Variants in SLC22A15 observed in about 807,000 individuals in gnomAD.
SLC22A15 encodes the protein solute carrier family 22 member 15.
SLC22A15 carries 45 observed loss-of-function variants against 62.7 expected under a neutral mutation model. The observed-to-expected ratio is 0.72, with a 90% CI of 0.56 to 0.92. SLC22A15 has a LOEUF of 0.92. Among genes scored for constraint, SLC22A15 ranks in the 40% least tolerant of loss-of-function variants. The pLI is 0.00. For synonymous variants in SLC22A15, 264 were observed against 267.0 expected (o/e 0.99, Z 0.11); for missense variants, 622 against 665.6 (o/e 0.93, Z 0.72).
At chr1:116,057,672 G>T (rs572043545) in intron 8 of SLC22A15, among the ~76,000 whole-genome samples, 1 of 152,136 alleles carries the variant, frequency 6.6e-6, no homozygotes, top group Non-Finnish European at 1.5e-5. Flanking sequence ...ATCCAACAAC[G>T]ATAGAGTGGA....
At chr1:115,985,142 T>C (rs1353201221) in intron 1 of SLC22A15, among the ~76,000 whole-genome samples, 1 of 152,184 alleles carries the variant, frequency 6.6e-6, no homozygotes, top group Non-Finnish European at 1.5e-5. Flanking sequence ...CAACTTCCAG[T>C]CCCGCAGGCT....
At chr1:115,997,591 C>G (rs148363679) in intron 2 of SLC22A15, among the ~76,000 whole-genome samples, 678 of 152,056 alleles carry the variant, frequency 4.5e-3, no homozygotes, top group Non-Finnish European at 7.4e-3. Flanking sequence ...TTCTTGATTT[C>G]TCTTTCAGAT....
At chr1:115,989,959 C>G (rs1287231629) in intron 1 of SLC22A15, among the ~76,000 whole-genome samples, 1 of 152,144 alleles carries the variant, frequency 6.6e-6, no homozygotes, top group African/African-American at 2.4e-5. Flanking sequence ...AAAGGTGAAT[C>G]AGACTTAGAT....
chr1:116,053,843 C>G (rs1658125729), intron 8 of SLC22A15, among the ~76,000 whole-genome samples: 1 of 151,684 alleles, frequency 6.6e-6, no homozygotes, highest in African/African-American at 2.4e-5. Flanking sequence ...ACTTTACAGA[C>G]AAGCAAATGC....
rs572682517 is a variant in SLC22A15 at position 116,055,865 on chromosome 1, C to A, written c.1172-6897C>A. 4.6e-3 allele frequency among the ~76,000 whole-genome samples: 683 copies of A among 148,476 alleles called. 2 individuals are homozygous for A. The highest frequency in any genetic ancestry group is 0.017 in the Middle Eastern group (5 of 292). On this transcript the variant is annotated intron_variant, in intron 8 of 11. Coordinates refer to ENST00000369503, the MANE Select transcript of SLC22A15 (RefSeq NM_018420.3). Reference sequence around the variant, plus strand: ...TGACAAAATTCAACAACACTTCATGCTAAAAACTCTCAATAAATTAGGTAT... The same window carrying A: ...TGACAAAATTCAACAACACTTCATGATAAAAACTCTCAATAAATTAGGTAT...
At chr1:116,009,308 G>T (rs780343427) in intron 2 of SLC22A15, among the ~76,000 whole-genome samples, 1 of 151,718 alleles carries the variant, frequency 6.6e-6, no homozygotes, top group Non-Finnish European at 1.5e-5. Flanking sequence ...CCGTCCCACC[G>T]TTCAGAGTGT....
At position 116,038,722 on chromosome 1, in the gene SLC22A15, G is replaced by A. The variant is rs552682195; in HGVS notation, c.1171+1334G>A. Among the ~76,000 whole-genome samples, 10 of 152,256 alleles carry A rather than the reference G, an allele frequency of 6.6e-5. No homozygotes were observed. The East Asian group carries it at 7.7e-4, about 12-fold the overall frequency. ...GTAAGACTGTGATGGACTTCAAATC[G>A]TTGTAGTTTTATATTCAGCAGATTT... is the stretch of plus-strand genomic sequence containing the variant. On this transcript the variant is annotated intron_variant, in intron 8 of 11. Coordinates refer to ENST00000369503, the MANE Select transcript of SLC22A15 (RefSeq NM_018420.3).
intron 8 of SLC22A15, among the ~76,000 whole-genome samples, chr1:116,041,606 G>T (rs1235264389): frequency 6.6e-6 from 1 of 152,206 alleles, no homozygotes; most frequent in African/African-American, 2.4e-5. Flanking sequence ...GTGCAGGGAA[G>T]GGAAGCCCAA....
chr1:116,024,785 A>G (rs1390177154), intron 4 of SLC22A15, among the ~76,000 whole-genome samples: 2 of 152,156 alleles, frequency 1.3e-5, no homozygotes, highest in South Asian at 2.1e-4. Context: ...CTCCAAGTCT[A>G]GTATTTAAAG....
intron 8 of SLC22A15, among the ~76,000 whole-genome samples, chr1:116,037,842 A>G (rs1657673918): frequency 6.6e-6 from 1 of 152,310 alleles, no homozygotes. Flanking sequence ...CAACAAGAAT[A>G]ATGGGGATGG....
chr1:116,031,248 A>C (rs1657378012), intron 5 of SLC22A15, 118 bp from the exon 6 acceptor site: 1 of 719,416 alleles, frequency 1.4e-6, no homozygotes, highest in Non-Finnish European at 2.3e-6. Flanking sequence ...TCAAACTTTA[A>C]GTCTAACATG....
chr1:116,068,829 A>G lies in SLC22A15; in HGVS notation c.*1721A>G, dbSNP rs1015300801. The G allele has an allele frequency of 8.5e-5, 13 of 152,202 alleles. No homozygotes were observed. The highest frequency in any genetic ancestry group is 3.1e-4 in the African/African-American group (13 of 41,456). 9.4% of individuals were successfully genotyped at this position (152,202 alleles called of 1,614,324 possible). A position where few individuals can be genotyped will look rare whatever the true frequency, so the allele number is the denominator to read the frequency against. On this transcript the variant is annotated 3_prime_UTR_variant, in exon 12 of 12. Transcript: ENST00000369503. ...ATAGGAAGAGAGGAAGAACTTACAA[A>G]GACACTTAAAAGTTATTCTTAAATG...
chr1:116,064,374 C>G, intron 9 of SLC22A15, 62 bp from the exon 10 acceptor site: 1 of 1,276,338 alleles, frequency 7.8e-7, no homozygotes. Flanking sequence ...GCTGCTGCCC[C>G]CCAAGGGTCT....
intron 2 of SLC22A15, among the ~76,000 whole-genome samples, chr1:115,996,402 G>C (rs1655427258): frequency 6.6e-6 from 1 of 152,028 alleles, no homozygotes; most frequent in Non-Finnish European, 1.5e-5. Flanking sequence ...ATATCAATTT[G>C]GGGAGAATCA....
chr1:116,019,534 T>C (rs1242013898), intron 2 of SLC22A15, 48 bp from the exon 3 acceptor site: 3 of 1,538,626 alleles, frequency 1.9e-6, no homozygotes, highest in Non-Finnish European at 2.6e-6. Flanking sequence ...GGTTTTTTAA[T>C]AGCTAACTGA....
chr1:116,051,743 C>T (rs753734549), intron 8 of SLC22A15, among the ~76,000 whole-genome samples: 4 of 152,182 alleles, frequency 2.6e-5, no homozygotes, highest in East Asian at 1.9e-4. Context: ...ATCAGCTGCT[C>T]GTAGGACATG....
rs369494720 is a variant in SLC22A15 at position 116,035,347 on chromosome 1, T to C, written c.1085+20T>C. The C allele has an allele frequency of 2.0e-5, 32 of 1,607,512 alleles. No individual in the cohort carries two copies. Among genetic ancestry groups the C allele is most frequent in the Non-Finnish European group, 2.6e-5 (31 of 1,176,092 alleles). ...AAAATGGTGAGTAAGTGTGGATGAATATGAAGTGCACCGTAGAGAATGCAC... is the reference window on the plus strand; with the variant it reads ...AAAATGGTGAGTAAGTGTGGATGAACATGAAGTGCACCGTAGAGAATGCAC... On this transcript the variant is annotated intron_variant, in intron 7 of 11. Coordinates refer to ENST00000369503, the MANE Select transcript of SLC22A15 (RefSeq NM_018420.3).
chr1:116,057,549 A>G (rs1249610913), intron 8 of SLC22A15, among the ~76,000 whole-genome samples: 10 of 152,216 alleles, frequency 6.6e-5, no homozygotes, highest in Admixed American at 2.6e-4. Flanking sequence ...CAGCCATCCC[A>G]TTACTGGGTA....
chr1:116,008,605 G>C (rs930660563), intron 2 of SLC22A15, among the ~76,000 whole-genome samples: 1 of 152,180 alleles, frequency 6.6e-6, no homozygotes, highest in Non-Finnish European at 1.5e-5. Flanking sequence ...CATATAAAAA[G>C]TTTCATTTCT....
Sources: allele counts gnomAD v4.1 joint callset (sites outside exome capture counted in the v4.1 genomes callset), GRCh38; gene constraint gnomAD v4.1.1; transcripts MANE v1.5; gene names NCBI Gene and HGNC (gene_info 2026-07-23, HGNC 2026-07-21).